Variants in BABAM2 observed in about 807,000 individuals in gnomAD.
BABAM2 encodes BRISC and BRCA1-A complex member 2.
A neutral mutation model predicts 54.7 loss-of-function variants in BABAM2; 31 were observed. The observed-to-expected ratio is 0.57, with a 90% CI of 0.43 to 0.77. The LOEUF (loss-of-function observed/expected upper bound fraction) is 0.77. BABAM2 is among the 30% of genes least tolerant of loss of function. BABAM2 has a pLI of 0.00. For synonymous variants in BABAM2, 167 were observed against 162.9 expected, an observed-to-expected ratio of 1.03 and a Z score of -0.19; for missense variants, 364 against 455.8, an observed-to-expected ratio of 0.80 and a Z score of 1.83.
At chr2:28,333,617 C>G (rs1691156298) in intron 11 of BABAM2, among the ~76,000 whole-genome samples, 1 of 152,168 alleles carries the variant, frequency 6.6e-6, no homozygotes, top group South Asian at 2.1e-4. Flanking sequence ...TTTATGAAAC[C>G]CTGAGCAGAG....
At chr2:28,001,307 G>T (rs994230586) in intron 4 of BABAM2, among the ~76,000 whole-genome samples, 1 of 152,116 alleles carries the variant, frequency 6.6e-6, no homozygotes, top group East Asian at 1.9e-4. Context: ...CTTTTTGTTA[G>T]TTAATTCCTA....
chr2:28,176,210 C>T (rs1674926222), intron 7 of BABAM2, among the ~76,000 whole-genome samples: 1 of 152,022 alleles, frequency 6.6e-6, no homozygotes, highest in Non-Finnish European at 1.5e-5. Flanking sequence ...AATAATTCTC[C>T]AGCAACAGAT....
At chr2:28,040,291 A>ATTTTTTTTTTT (rs1204898070) in intron 5 of BABAM2, among the ~76,000 whole-genome samples, 7 of 97,236 alleles carry the variant, frequency 7.2e-5, no homozygotes, top group South Asian at 4.6e-4. Flanking sequence ...GAAAAACTGA[A>ATTTTTTTTTTT]TTCTTTTTTT....
intron 7 of BABAM2, among the ~76,000 whole-genome samples, chr2:28,224,506 G>T (rs1680693795): frequency 1.3e-5 from 2 of 152,084 alleles, no homozygotes; most frequent in Non-Finnish European, 2.9e-5. Context: ...CTCTTCTCTG[G>T]CTTACTAAAT....
intron 3 of BABAM2, among the ~76,000 whole-genome samples, chr2:27,976,872 C>T (rs112364982): frequency 1.3e-5 from 2 of 152,010 alleles, no homozygotes; most frequent in Admixed American, 6.6e-5. Context: ...AGGTGTGGTC[C>T]GAAGTCTAGG....
At chr2:27,924,069 CTA>C (rs1667511137) in intron 2 of BABAM2, among the ~76,000 whole-genome samples, 1 of 152,168 alleles carries the variant, frequency 6.6e-6, no homozygotes, top group Non-Finnish European at 1.5e-5. Context: ...TGAAATCTGT[CTA>C]TGTGTGTAGA....
At chr2:27,908,425 C>G (rs78806070) in intron 2 of BABAM2, among the ~76,000 whole-genome samples, 2,871 of 152,208 alleles carry the variant, frequency 0.019, 48 homozygotes, top group Non-Finnish European at 0.032. Flanking sequence ...GCACATACTA[C>G]CACACCTGGC....
intron 11 of BABAM2, among the ~76,000 whole-genome samples, chr2:28,326,220 C>G (rs1690440527): frequency 6.6e-6 from 1 of 152,188 alleles, no homozygotes; most frequent in Non-Finnish European, 1.5e-5. Context: ...GCCCACTTTT[C>G]CCAGCAGGTG....
intron 7 of BABAM2, among the ~76,000 whole-genome samples, chr2:28,163,067 A>G (rs768800251): frequency 5.3e-5 from 8 of 152,148 alleles, no homozygotes; most frequent in Non-Finnish European, 8.8e-5. Context: ...AAACATTTTT[A>G]TTGTGGGTGT....
rs1189267949 is a variant in BABAM2 at position 27,923,962 on chromosome 2, C to T, written c.129-5870C>T. 4.6e-5 allele frequency among the ~76,000 whole-genome samples: 7 copies of T among 151,742 alleles called. No homozygotes were observed. In the South Asian group the frequency reaches 6.2e-4, roughly 14 times the overall value. Reference sequence around the variant, plus strand: ...ACTCCAGCTTGGGTGACAGCAAGACCGTGTTTCAAAAAATTTAAAAAAAAA... The same window carrying T: ...ACTCCAGCTTGGGTGACAGCAAGACTGTGTTTCAAAAAATTTAAAAAAAAA... On this transcript the variant is annotated intron_variant, in intron 2 of 11. Coordinates refer to ENST00000379624, the MANE Select transcript of BABAM2 (RefSeq NM_199191.3).
intron 4 of BABAM2, among the ~76,000 whole-genome samples, chr2:28,022,783 C>T (rs1376366055): frequency 6.6e-6 from 1 of 152,198 alleles, no homozygotes; most frequent in Non-Finnish European, 1.5e-5. Context: ...CCTCCTCCTC[C>T]TCTTTCCCTG....
intron 3 of BABAM2, among the ~76,000 whole-genome samples, chr2:27,938,165 T>C (rs192349167): frequency 3.1e-4 from 47 of 152,176 alleles, no homozygotes; most frequent in Non-Finnish European, 5.9e-4. Context: ...CAACCTTAAA[T>C]CTATTGTATA....
chr2:28,096,316 T>C (rs79124582), intron 6 of BABAM2, among the ~76,000 whole-genome samples: 6,241 of 151,932 alleles, frequency 0.041, 423 homozygotes, highest in African/African-American at 0.14. Flanking sequence ...CCTATTGTCA[T>C]ACATTTAGAC....
At chr2:28,185,285 G>A (rs1676158539) in intron 7 of BABAM2, among the ~76,000 whole-genome samples, 1 of 152,128 alleles carries the variant, frequency 6.6e-6, no homozygotes, top group Non-Finnish European at 1.5e-5. Context: ...CTGAACTCCA[G>A]GTGGATGTTT....
At chr2:28,048,111 A>G (rs1677735432) in intron 6 of BABAM2, among the ~76,000 whole-genome samples, 1 of 152,242 alleles carries the variant, frequency 6.6e-6, no homozygotes, top group South Asian at 2.1e-4. Flanking sequence ...ACCAGCATCA[A>G]TATAGTTTTA....
Position 28,117,363 on chromosome 2 carries a change from G to A in BABAM2, c.571-11908G>A, listed in dbSNP as rs533875843. 9.8e-5 allele frequency among the ~76,000 whole-genome samples: 15 copies of A among 152,300 alleles called. No individual in the cohort carries two copies. The South Asian group carries it at 2.1e-3, about 21-fold the overall frequency. On this transcript the variant is annotated intron_variant, in intron 6 of 11. Coordinates refer to ENST00000379624, the MANE Select transcript of BABAM2 (RefSeq NM_199191.3). ...ATTTACCGTGGTGTCATCTGTGTTCGTTTAATAATTTACCAGAGAAAATGT... is the reference window on the plus strand; with the variant it reads ...ATTTACCGTGGTGTCATCTGTGTTCATTTAATAATTTACCAGAGAAAATGT...
At chr2:28,286,407 G>A (rs1056683381) in intron 10 of BABAM2, among the ~76,000 whole-genome samples, 8 of 152,092 alleles carry the variant, frequency 5.3e-5, no homozygotes, top group South Asian at 2.1e-4. Context: ...ATAGAAAGAC[G>A]TTCACAGTCC....
At chr2:28,162,929 T>G (rs1241907763) in intron 7 of BABAM2, among the ~76,000 whole-genome samples, 4 of 152,144 alleles carry the variant, frequency 2.6e-5, no homozygotes, top group Non-Finnish European at 5.9e-5. Flanking sequence ...TAGATGTCAG[T>G]TTTTTTCCCC....
chr2:28,012,556 T>G (rs1320567182), intron 4 of BABAM2, among the ~76,000 whole-genome samples: 1 of 152,190 alleles, frequency 6.6e-6, no homozygotes, highest in Non-Finnish European at 1.5e-5. Context: ...TAAACGATAT[T>G]ACCTTAAAAT....
Sources: allele counts gnomAD v4.1 joint callset (sites outside exome capture counted in the v4.1 genomes callset), GRCh38; gene constraint gnomAD v4.1.1; transcripts MANE v1.5; gene names NCBI Gene and HGNC (gene_info 2026-07-23, HGNC 2026-07-21).